Variants in TTC34 observed in about 807,000 individuals in gnomAD.
TTC34 encodes the protein tetratricopeptide repeat domain 34.
Under a neutral mutation model 40.7 loss-of-function variants are expected in TTC34, and 44 were observed. That is an observed-to-expected ratio of 1.08 (90% CI 0.85 to 1.39). The LOEUF is 1.39. Ranked by LOEUF, TTC34 falls within the 40% of genes most tolerant of loss-of-function variation. The probability of loss-of-function intolerance (pLI) is 0.00; values close to 1 mark genes in which losing one functional copy is unlikely to be tolerated. For missense variants in TTC34, 884 were observed against 838.0 expected (o/e 1.05, Z -0.68); for synonymous variants, 422 against 398.6 (o/e 1.06, Z -0.70).
rs144756772 is a variant in TTC34, at chr1:2,641,997, G to T, written c.2713-102C>A. On this transcript the variant is annotated intron_variant, in intron 8 of 8. Transcript: ENST00000401095. ...TCCTCTGCACAGCCAGCTTCTGCTG[G>T]CTCCCTGGGGATGGCGGGGCCCTGG... 9.0e-5 allele frequency: 116 copies of T among 1,282,336 alleles called. 2 individuals are homozygous for T. The African/African-American group carries it at 1.6e-3, about 18-fold the overall frequency. 79.4% of individuals were successfully genotyped at this position (1,282,336 alleles called of 1,614,324 possible). A position where few individuals can be genotyped will look rare whatever the true frequency, so the allele number is the denominator to read the frequency against.
At chr1:2,785,761 C>T in intron 5 of TTC34, 58 bp downstream of exon 5, 2 of 1,495,692 alleles carry the variant, frequency 1.3e-6, no homozygotes, top group Non-Finnish European at 1.8e-6. Context: ...CAGAGACTCC[C>T]CATGTCCCCT....
chr1:2,675,679 C>CT (rs1639887870), intron 6 of TTC34, among the ~76,000 whole-genome samples: 1 of 136,188 alleles, frequency 7.3e-6, no homozygotes, highest in Admixed American at 7.5e-5. Flanking sequence ...GAGCAGCACC[C>CT]ACACCCCCAG....
In TTC34 at chr1:2,645,737, C is replaced by T. The variant is rs1038070542; in HGVS notation, c.2227-174G>A. On this transcript the variant is annotated intron_variant, in intron 6 of 8. Coordinates refer to ENST00000401095, the Ensembl canonical transcript of TTC34. This position sits in a 1 kb window ranked among gnomAD's most constrained non-coding sequence, Gnocchi z 4.7. ...CTTCCTGCTTCTCTGTGGCTGCAGC[C>T]TCCTACCATCCCTCCTGATTCTGGT... is the stretch of plus-strand genomic sequence containing the variant. Among the ~76,000 whole-genome samples the T allele has an allele frequency of 2.6e-5, 4 of 152,322 alleles. No individual in the cohort carries two copies. The highest frequency in any genetic ancestry group is 7.2e-5 in the African/African-American group (3 of 41,564).
intron 6 of TTC34, among the ~76,000 whole-genome samples, chr1:2,699,089 A>AACCC (rs1641006316): frequency 2.6e-5 from 1 of 38,036 alleles, no homozygotes; most frequent in Non-Finnish European, 6.6e-5. Flanking sequence ...CAGCGCCCAC[A>AACCC]CACCCAAGTG....
At chr1:2,649,009 T>C (rs998966271) in intron 6 of TTC34, among the ~76,000 whole-genome samples, 10 of 124,208 alleles carry the variant, frequency 8.1e-5, no homozygotes, top group African/African-American at 2.9e-4. Flanking sequence ...CCACACCCAG[T>C]TGAGCATCTG....
At chr1:2,788,495 A>AC (rs1044070440) in intron 3 of TTC34, among the ~76,000 whole-genome samples, 2 of 150,816 alleles carry the variant, frequency 1.3e-5, no homozygotes, top group African/African-American at 4.9e-5. Flanking sequence ...AACCGCCCCC[A>AC]CCCCCCGGAC....
intron 8 of TTC34, among the ~76,000 whole-genome samples, chr1:2,643,021 C>T (rs1431841511): frequency 6.6e-6 from 1 of 152,228 alleles, no homozygotes; most frequent in Non-Finnish European, 1.5e-5. Flanking sequence ...GTTCACGGCC[C>T]GGGGTGGTAG....
At chr1:2,757,438 GAGCATCT>G (rs1641543129) in intron 6 of TTC34, among the ~76,000 whole-genome samples, 1 of 73,318 alleles carries the variant, frequency 1.4e-5, no homozygotes, top group Non-Finnish European at 2.3e-5. Flanking sequence ...ACTCCCAGGC[GAGCATCT>G]GACAGCCTGG....
chr1:2,752,895 C>T (rs1486057080), intron 6 of TTC34, among the ~76,000 whole-genome samples: 1 of 138,972 alleles, frequency 7.2e-6, no homozygotes, highest in African/African-American at 2.8e-5. Flanking sequence ...GCACCCACAC[C>T]CCCAGGTGAG....
At chr1:2,795,178 G>C (rs1264315168) in intron 2 of TTC34, among the ~76,000 whole-genome samples, 1 of 152,174 alleles carries the variant, frequency 6.6e-6, no homozygotes, top group African/African-American at 2.4e-5. Context: ...TTGAGCCTGG[G>C]AGATTGAGTG....
At chr1:2,672,457 TG>T (rs1639735025) in intron 6 of TTC34, among the ~76,000 whole-genome samples, 1 of 103,264 alleles carries the variant, frequency 9.7e-6, no homozygotes, top group East Asian at 2.5e-4. Flanking sequence ...TCGTAGAGTC[TG>T]GAGCAGCGCC....
intron 6 of TTC34, among the ~76,000 whole-genome samples, chr1:2,750,096 A>T (rs1641266205): frequency 3.5e-5 from 5 of 143,524 alleles, no homozygotes; most frequent in Non-Finnish European, 6.0e-5. Flanking sequence ...CCCAGTGAGC[A>T]TCTGACAGCC....
intron 5 of TTC34, 126 bp downstream of exon 5, chr1:2,785,693 G>A: frequency 9.3e-7 from 1 of 1,076,964 alleles, no homozygotes; most frequent in Non-Finnish European, 1.3e-6. Flanking sequence ...TCCAACCCGT[G>A]GGTGTTCCTG....
At chr1:2,674,926 G>A (rs1228693248) in intron 6 of TTC34, among the ~76,000 whole-genome samples, 5 of 124,180 alleles carry the variant, frequency 4.0e-5, no homozygotes. Flanking sequence ...CACACCCCGA[G>A]GTGAGCATCT....
intron 6 of TTC34, among the ~76,000 whole-genome samples, chr1:2,752,818 C>G (rs1462289399): frequency 7.5e-6 from 1 of 134,200 alleles, no homozygotes; most frequent in African/African-American, 2.9e-5. Flanking sequence ...CCTGCATCCC[C>G]AGGTGCGCAC....
intron 8 of TTC34, 37 bp from the exon 9 acceptor site, chr1:2,641,932 G>C: frequency 7.0e-7 from 1 of 1,437,564 alleles, no homozygotes; most frequent in Non-Finnish European, 9.1e-7. Context: ...GGGAGAGTGG[G>C]GTCAGCCCCA....
rs1641508527 is a variant in TTC34, at chr1:2,756,448, CCTGGAAGA to C, written c.2226+27153_2226+27160del. ...ACACCCCCAGGTGAGCATCTGACAG[CCTGGAAGA>C]GCAACCACACCCCCAGGCGAGTATC... is the stretch of plus-strand genomic sequence containing the variant. On this transcript the variant is annotated intron_variant, in intron 6 of 8. Transcript: ENST00000401095. 5.7e-4 allele frequency among the ~76,000 whole-genome samples: 55 copies of C among 96,800 alleles called. 3 individuals carry two copies. Among genetic ancestry groups the C allele is most frequent in the African/African-American group, 1.7e-3 (37 of 21,236 alleles). The allele number at this position is 96,800 out of a possible 152,430, so 63.5% of individuals were successfully genotyped here. A position where few individuals can be genotyped will look rare whatever the true frequency, so the allele number is the denominator to read the frequency against.
Position 2,700,081 on chromosome 1 carries a change from C to T in TTC34, c.2227-54518G>A, listed in dbSNP as rs1641060339. On this transcript the variant is annotated intron_variant, in intron 6 of 8. Coordinates refer to ENST00000401095, the Ensembl canonical transcript of TTC34. Reference sequence around the variant, plus strand: ...GAGGTGAGCATATGACCACCTGGAGCAGCACCCACAGTCCCAGGTGAGCAT... The same window carrying T: ...GAGGTGAGCATATGACCACCTGGAGTAGCACCCACAGTCCCAGGTGAGCAT... Among the ~76,000 whole-genome samples the T allele has an allele frequency of 2.5e-5, 3 of 121,694 alleles. 1 individual carries two copies. The highest frequency in any genetic ancestry group is 8.0e-5 in the African/African-American group (3 of 37,554). The allele number at this position is 121,694 out of a possible 152,430, so 79.8% of individuals were successfully genotyped here.
exon 9 of TTC34, chr1:2,639,270 T>A (rs1638849541): frequency 6.6e-6 from 1 of 152,190 alleles, no homozygotes; most frequent in Admixed American, 6.5e-5. Context: ...AGCCCCCTGG[T>A]GGGGGAGAAA....
Sources: allele counts gnomAD v4.1 joint callset (sites outside exome capture counted in the v4.1 genomes callset), GRCh38; gene constraint gnomAD v4.1.1; non-coding constraint Gnocchi (gnomAD v3.1); transcripts MANE v1.5; gene names NCBI Gene and HGNC (gene_info 2026-07-23, HGNC 2026-07-21).